PFKFB3: variants seen among roughly 807,000 people sequenced by gnomAD.
PFKFB3 encodes the protein 6-phosphofructo-2-kinase/fructose-2,6-biphosphatase 3.
A neutral mutation model predicts 68.0 loss-of-function variants in PFKFB3; 33 were observed. That is an observed-to-expected ratio of 0.49 (90% CI 0.37 to 0.65). The LOEUF is 0.65. Among genes scored for constraint, PFKFB3 ranks in the 30% least tolerant of loss-of-function variants. PFKFB3 has a pLI of 0.00. For missense variants in PFKFB3, 586 were observed against 712.2 expected (o/e 0.82, Z 2.02); for synonymous variants, 315 against 288.2 (o/e 1.09, Z -0.94).
downstream of PFKFB3, among the ~76,000 whole-genome samples, chr10:6,257,954 G>T (rs771470265): frequency 1.3e-5 from 2 of 152,112 alleles, no homozygotes; most frequent in Non-Finnish European, 2.9e-5. Context: ...CCAAGGACAG[G>T]TCTCAGAAGA....
At chr10:6,289,880 T>C in the PFKFB3 span, among the ~76,000 whole-genome samples, 2 of 151,980 alleles carry the variant, frequency 1.3e-5, no homozygotes, top group Non-Finnish European at 2.9e-5. Flanking sequence ...TTTATTTCAT[T>C]GAGCAGTGGT....
chr10:6,153,192 GAAAGAAAGAAAT>G (rs946993996), intron 1 of PFKFB3, among the ~76,000 whole-genome samples: 15 of 141,506 alleles, frequency 1.1e-4, no homozygotes, highest in South Asian at 2.3e-4. Context: ...AAGAAAGAAA[GAAAGAAAGAAAT>G]AAGAACAGAG....
At chr10:6,325,192 G>A in the PFKFB3 span, among the ~76,000 whole-genome samples, 1 of 152,154 alleles carries the variant, frequency 6.6e-6, no homozygotes, top group African/African-American at 2.4e-5. Flanking sequence ...TCAAACTCCT[G>A]GACCCAAGCA....
At chr10:6,204,844 G>T (rs1358245987) in intron 1 of PFKFB3, among the ~76,000 whole-genome samples, 1 of 152,230 alleles carries the variant, frequency 6.6e-6, no homozygotes, top group Non-Finnish European at 1.5e-5. Flanking sequence ...TGCATTGGAG[G>T]CTAGTCCCAC....
intron 1 of PFKFB3, among the ~76,000 whole-genome samples, chr10:6,185,271 G>A (rs563461336): frequency 5.9e-5 from 9 of 152,276 alleles, no homozygotes; most frequent in South Asian, 2.1e-4. Context: ...GGCTTCCTCC[G>A]TAATCTCTTT....
rs60638987 is a variant in PFKFB3 at position 6,192,139 on chromosome 10, T to TACACACACACACAC, written c.17-21452_17-21439dup. ...CAGCAGAGTCAATGACATTCCCCAA[T>TACACACACACACAC]ACACACACACACACACACACACACA... On this transcript the variant is annotated intron_variant, in intron 1 of 14. Transcript: ENST00000379789. Among the ~76,000 whole-genome samples, 720 of 119,114 alleles carry TACACACACACACAC rather than the reference T, an allele frequency of 6.0e-3. 13 individuals are homozygous for TACACACACACACAC. Among genetic ancestry groups the TACACACACACACAC allele is most frequent in the African/African-American group, 0.015 (435 of 29,368 alleles). 78.1% of individuals were successfully genotyped at this position (119,114 alleles called of 152,430 possible). A position where few individuals can be genotyped will look rare whatever the true frequency, so the allele number is the denominator to read the frequency against.
At chr10:6,166,298 G>C (rs1371958564) in intron 1 of PFKFB3, among the ~76,000 whole-genome samples, 1 of 151,882 alleles carries the variant, frequency 6.6e-6, no homozygotes, top group Non-Finnish European at 1.5e-5. Flanking sequence ...TCGTCATTTT[G>C]GCCAGGTTGG....
chr10:6,224,901 G>A (rs909023009), intron 13 of PFKFB3, among the ~76,000 whole-genome samples: 1 of 151,250 alleles, frequency 6.6e-6, no homozygotes, highest in Non-Finnish European at 1.5e-5. Flanking sequence ...GCAGGTCAGC[G>A]CCGCCATGTG....
At chr10:6,226,097 C>G (rs1235736122) in intron 13 of PFKFB3, 95 bp from the exon 14 acceptor site, 1 of 1,172,816 alleles carries the variant, frequency 8.5e-7, no homozygotes, top group Non-Finnish European at 1.2e-6. Flanking sequence ...TTTTGCCTCT[C>G]TAAAATCCAG....
At chr10:6,177,380 CT>C (rs1243185192) in intron 1 of PFKFB3, among the ~76,000 whole-genome samples, 20 of 109,882 alleles carry the variant, frequency 1.8e-4, no homozygotes, top group East Asian at 2.3e-4. Context: ...TTCTTTCTTT[CT>C]TTCTTTCTTT....
the PFKFB3 span, among the ~76,000 whole-genome samples, chr10:6,262,347 C>G: frequency 1.4e-3 from 170 of 122,450 alleles, 1 homozygote; most frequent in Non-Finnish European, 7.9e-4. Flanking sequence ...CCAGCTGCTC[C>G]AGAGGCTGAG....
the PFKFB3 span, among the ~76,000 whole-genome samples, chr10:6,285,980 T>G: frequency 3.5e-5 from 5 of 142,030 alleles, no homozygotes; most frequent in East Asian, 4.1e-4. Flanking sequence ...CTGTTTTTTT[T>G]TTTTTTTTTT....
rs773635607 is a variant in PFKFB3, at chr10:6,216,136, T to C, written c.311T>C (p.Leu104Ser). 1.1e-5 allele frequency: 17 copies of C among 1,614,092 alleles called. No homozygotes were observed. The South Asian group carries it at 1.9e-4, about 18-fold the overall frequency. The change falls in exon 4 of 15, where the codon TTA (leucine) becomes TCA (serine). Residue 104 changes from leucine (L) to serine (S), a missense_variant. Leu to Ser is a moderately radical substitution (Grantham distance 145). Coordinates refer to ENST00000379775, the MANE Select transcript of PFKFB3 (RefSeq NM_004566.4). ...EAMKVRKQCA[L>S]AALRDVKSYL... ...CTTGTGCATTCCAGGCAATGTGCCT[T>C]AGCTGCCTTGAGAGATGTCAAAAGC... is the stretch of plus-strand genomic sequence containing the variant.
chr10:6,228,141 C>T lies in PFKFB3; in HGVS notation c.1515+1776C>T. The T allele has an allele frequency of 6.2e-7, 1 of 1,608,188 alleles. No homozygotes were observed. Among genetic ancestry groups the T allele is most frequent in the East Asian group, 2.2e-5 (1 of 44,858 alleles). On this transcript the variant is annotated intron_variant, in intron 14 of 14. Coordinates refer to ENST00000379775, the MANE Select transcript of PFKFB3 (RefSeq NM_004566.4). This position sits in a 1 kb window ranked among gnomAD's most constrained non-coding sequence, Gnocchi z 4.5. ...CGTGGGGTTTTTCAGGGCTTCGTCCCTGCAGATTGCGCCCTGCCTCCTGAC... is the reference window on the plus strand; with the variant it reads ...CGTGGGGTTTTTCAGGGCTTCGTCCTTGCAGATTGCGCCCTGCCTCCTGAC...
At chr10:6,288,530 G>C in the PFKFB3 span, among the ~76,000 whole-genome samples, 1 of 151,622 alleles carries the variant, frequency 6.6e-6, no homozygotes, top group East Asian at 1.9e-4. Flanking sequence ...AAAGGACATG[G>C]ACTCATCCTT....
rs182697172 is a variant in PFKFB3, at chr10:6,154,478, G to A, written c.16+9465G>A. ...GGTCAGGCTGGTCTTGAACTCCTGA[G>A]TTCAAGTGATTTGCCCGCCTCGGCC... is the stretch of plus-strand genomic sequence containing the variant. On this transcript the variant is annotated intron_variant, in intron 1 of 14. Coordinates refer to the PFKFB3 transcript ENST00000379789. This position sits in a 1 kb window ranked among gnomAD's most constrained non-coding sequence, Gnocchi z 4.6. Among the ~76,000 whole-genome samples the A allele has an allele frequency of 7.2e-5, 11 of 152,276 alleles. No homozygotes were observed. The highest frequency in any genetic ancestry group is 2.6e-4 in the African/African-American group (11 of 41,556).
At chr10:6,179,532 C>T (rs780110306) in intron 1 of PFKFB3, among the ~76,000 whole-genome samples, 33 of 152,278 alleles carry the variant, frequency 2.2e-4, no homozygotes, top group Admixed American at 1.8e-3. Context: ...GCGAGCCCCC[C>T]GGGAATGAAC....
downstream of PFKFB3, among the ~76,000 whole-genome samples, chr10:6,239,292 G>T (rs920385764): frequency 6.6e-6 from 1 of 152,208 alleles, no homozygotes; most frequent in Non-Finnish European, 1.5e-5. Flanking sequence ...ATATGGAACT[G>T]TAGTCAGGAG....
rs1221894253 is a variant in PFKFB3 at position 6,254,556 on chromosome 10, G to A, written c.*187G>A. 7.6e-6 allele frequency: 3 copies of A among 392,294 alleles called. No homozygotes were observed. In the East Asian group the frequency reaches 1.1e-4, roughly 14 times the overall value. The allele number at this position is 392,294 out of a possible 1,614,324, so 24.3% of individuals were successfully genotyped here. A position where few individuals can be genotyped will look rare whatever the true frequency, so the allele number is the denominator to read the frequency against. On this transcript the variant is annotated 3_prime_UTR_variant, in exon 15 of 15. Transcript: ENST00000640683. ...ATGATGCAAGAGAGATACGCATTTT[G>A]TAGAAGTGGAAATAGTGCTTCGAGT...
Sources: gnomAD v4.1 joint callset for allele counts (sites outside exome capture counted in the v4.1 genomes callset) on GRCh38, gnomAD v4.1.1 for gene constraint, Gnocchi (gnomAD v3.1) non-coding constraint, MANE v1.5 for transcripts, NCBI Gene and HGNC (gene_info 2026-07-23, HGNC 2026-07-21) for gene names.